CSMD1: variants seen among roughly 807,000 people sequenced by gnomAD.
The protein encoded by CSMD1 is CUB and sushi domain-containing protein 1.
In CSMD1, 213 loss-of-function variants were observed where a neutral mutation model predicts 417.5. The ratio of observed to expected loss-of-function variants is 0.51; its 90% CI spans 0.46 to 0.57. The LOEUF (loss-of-function observed/expected upper bound fraction) is 0.57, where lower values mean the gene tolerates loss of function less well. CSMD1 is among the 20% of genes least tolerant of loss of function. The probability of loss-of-function intolerance (pLI) is 0.00; values close to 1 mark genes in which losing one functional copy is unlikely to be tolerated. For synonymous variants in CSMD1, 2,862 were observed against 1,736.8 expected (o/e 1.65, Z -16.11); for missense variants, 6,923 against 4,529.7 (o/e 1.53, Z -15.17).
At chr8:3,836,747 G>A (rs564341333) in intron 5 of CSMD1, among the ~76,000 whole-genome samples, 12 of 151,798 alleles carry the variant, frequency 7.9e-5, no homozygotes, top group Non-Finnish European at 1.5e-4. Context: ...ATGAAATTCA[G>A]GGCAAAAAAA....
chr8:2,959,989 T>A (rs1198935634), intron 62 of CSMD1, among the ~76,000 whole-genome samples: 3 of 152,198 alleles, frequency 2.0e-5, no homozygotes, highest in Non-Finnish European at 4.4e-5. Context: ...TCCAACCCTA[T>A]TAGTGTCATA....
At chr8:3,221,617 G>C (rs1394235169) in intron 28 of CSMD1, among the ~76,000 whole-genome samples, 2 of 151,624 alleles carry the variant, frequency 1.3e-5, no homozygotes, top group South Asian at 4.2e-4. Flanking sequence ...TTCATGCGTA[G>C]AAGTCTGGAG....
chr8:3,499,833 C>T (rs975768387), intron 10 of CSMD1, among the ~76,000 whole-genome samples: 4 of 152,028 alleles, frequency 2.6e-5, no homozygotes, highest in African/African-American at 9.7e-5. Flanking sequence ...GCCCTGTGGG[C>T]AGGATGTACT....
chr8:3,919,837 A>T (rs1171692339), intron 5 of CSMD1, among the ~76,000 whole-genome samples: 1 of 152,096 alleles, frequency 6.6e-6, no homozygotes, highest in Non-Finnish European at 1.5e-5. Flanking sequence ...CAGTGTACAG[A>T]TCATTCACCT....
intron 26 of CSMD1, among the ~76,000 whole-genome samples, chr8:3,268,360 C>G (rs563204219): frequency 4.1e-4 from 55 of 133,012 alleles, no homozygotes; most frequent in African/African-American, 1.5e-3. Context: ...GTGATCTCAG[C>G]TCACTGCAAG....
chr8:3,105,846 T>C (rs935124885), intron 46 of CSMD1, among the ~76,000 whole-genome samples: 3 of 152,226 alleles, frequency 2.0e-5, no homozygotes, highest in Admixed American at 1.3e-4. Context: ...AGGCATGTGA[T>C]AAAGGAAATA....
intron 6 of CSMD1, among the ~76,000 whole-genome samples, chr8:3,709,698 T>TGC: frequency 7.7e-6 from 1 of 129,416 alleles, no homozygotes; most frequent in Non-Finnish European, 1.7e-5. Flanking sequence ...TTTTTTTTTT[T>TGC]TTTTTTTTTT....
At chr8:4,981,622 C>G (rs1810894329) in intron 1 of CSMD1, among the ~76,000 whole-genome samples, 1 of 152,156 alleles carries the variant, frequency 6.6e-6, no homozygotes, top group African/African-American at 2.4e-5. Context: ...GGTTGCTAAG[C>G]TCTTTGCTGA....
chr8:3,021,703 AGCATC>A, intron 51 of CSMD1, among the ~76,000 whole-genome samples: 1 of 114,620 alleles, frequency 8.7e-6, no homozygotes, highest in Admixed American at 9.2e-5. Context: ...GCAATCCCAC[AGCATC>A]TGGAATGCAC....
chr8:3,595,783 T>C (rs1411340306), intron 8 of CSMD1, among the ~76,000 whole-genome samples: 1 of 152,200 alleles, frequency 6.6e-6, no homozygotes, highest in Non-Finnish European at 1.5e-5. Context: ...GACTTTGTCA[T>C]GCGAAGTAGA....
At chr8:4,082,575 G>T (rs182819688) in intron 3 of CSMD1, among the ~76,000 whole-genome samples, 1 of 151,758 alleles carries the variant, frequency 6.6e-6, no homozygotes, top group Admixed American at 6.6e-5. Context: ...GCTTCATTAT[G>T]AGCCTAGAAG....
intron 20 of CSMD1, among the ~76,000 whole-genome samples, chr8:3,364,141 C>A (rs1038562038): frequency 6.6e-6 from 1 of 151,364 alleles, no homozygotes; most frequent in Non-Finnish European, 1.5e-5. Flanking sequence ...AATAAAGTTG[C>A]TAGTTATTTG....
rs144043111 is a variant in CSMD1, at chr8:4,538,594, G to C, written c.302+98748C>G. Among the ~76,000 whole-genome samples, 1,256 of 151,910 alleles carry C rather than the reference G, an allele frequency of 8.3e-3. 25 individuals are homozygous for C. The highest frequency in any genetic ancestry group is 0.029 in the African/African-American group (1,181 of 41,406). On this transcript the variant is annotated intron_variant, in intron 2 of 69. Transcript: ENST00000635120. The stretch of plus-strand genomic sequence containing the variant: ...GGAGTTGGACGTTGCAGTGAGCCGA[G>C]ATCGCACCACTGTACTCCAGTATGG...
intron 3 of CSMD1, among the ~76,000 whole-genome samples, chr8:4,242,228 T>C (rs1324090456): frequency 6.6e-6 from 1 of 152,162 alleles, no homozygotes; most frequent in Non-Finnish European, 1.5e-5. Context: ...GGAAATTAGA[T>C]AAGAAATTTG....
At chr8:4,672,195 G>A (rs535794036) in intron 1 of CSMD1, among the ~76,000 whole-genome samples, 1 of 152,304 alleles carries the variant, frequency 6.6e-6, no homozygotes, top group East Asian at 1.9e-4. Context: ...GGAACCTCAG[G>A]AAGAGAGGAC....
At chr8:4,208,083 T>A (rs952264167) in intron 3 of CSMD1, among the ~76,000 whole-genome samples, 5 of 152,196 alleles carry the variant, frequency 3.3e-5, no homozygotes, top group Non-Finnish European at 5.9e-5. Context: ...GTTTACTATC[T>A]ATTTAATGCA....
chr8:3,309,553 G>T (rs538302994), intron 23 of CSMD1, among the ~76,000 whole-genome samples: 2 of 141,956 alleles, frequency 1.4e-5, no homozygotes, highest in Non-Finnish European at 3.1e-5. Context: ...ATATTTTAAG[G>T]CCATCTGTGA....
intron 3 of CSMD1, among the ~76,000 whole-genome samples, chr8:4,293,501 T>G (rs1275317085): frequency 5.3e-5 from 8 of 152,202 alleles, no homozygotes; most frequent in Admixed American, 5.2e-4. Context: ...GCGTTTCTTT[T>G]TATACTTACT....
chr8:4,991,627 C>T (rs920590449), intron 1 of CSMD1, among the ~76,000 whole-genome samples: 1 of 152,162 alleles, frequency 6.6e-6, no homozygotes, highest in Non-Finnish European at 1.5e-5. Context: ...AGCCCTGCTG[C>T]TTGCAAGCGC....
Sources: allele counts gnomAD v4.1 joint callset (sites outside exome capture counted in the v4.1 genomes callset), GRCh38; gene constraint gnomAD v4.1.1; transcripts MANE v1.5; gene names NCBI Gene and HGNC (gene_info 2026-07-23, HGNC 2026-07-21).